Variants in CEMIP observed in about 807,000 individuals in gnomAD.
CEMIP encodes the protein cell migration-inducing and hyaluronan-binding protein.
Under a neutral mutation model 156.9 loss-of-function variants are expected in CEMIP, and 105 were observed. The observed-to-expected ratio is 0.67, with a 90% CI of 0.57 to 0.79. The LOEUF is 0.79. CEMIP is among the 30% of genes least tolerant of loss of function. The probability of loss-of-function intolerance (pLI) is 0.00; values close to 1 mark genes in which losing one functional copy is unlikely to be tolerated. For synonymous variants in CEMIP, 676 were observed against 668.4 expected (o/e 1.01, Z -0.17); for missense variants, 1,457 against 1,769.4 (o/e 0.82, Z 3.17).
intron 1 of CEMIP, among the ~76,000 whole-genome samples, chr15:80,854,534 C>G (rs1169178088): frequency 6.6e-6 from 1 of 152,248 alleles, no homozygotes; most frequent in East Asian, 1.9e-4. Context: ...TCTTGAGCAT[C>G]CACATTTGTT....
chr15:80,785,915 A>T (rs1323596350), intron 1 of CEMIP, among the ~76,000 whole-genome samples: 1 of 152,170 alleles, frequency 6.6e-6, no homozygotes, highest in Non-Finnish European at 1.5e-5. Flanking sequence ...GGCGCAAGAG[A>T]GTGCTTCTGA....
chr15:80,900,638 G>GTGTCTGTGTCTGTGTGTGTGTC (rs1899466705), intron 12 of CEMIP, among the ~76,000 whole-genome samples: 3 of 101,926 alleles, frequency 2.9e-5, no homozygotes, highest in Non-Finnish European at 4.2e-5. Context: ...GTGTGTGTGT[G>GTGTCTGTGTCTGTGTGTGTGTC]TGTGTGTGTG....
At chr15:80,937,627 C>A (rs1901178749) in intron 24 of CEMIP, among the ~76,000 whole-genome samples, 167 bp from the exon 25 acceptor site, 1 of 152,260 alleles carries the variant, frequency 6.6e-6, no homozygotes, top group South Asian at 2.1e-4. Context: ...TCTCCTTGAA[C>A]ACTGCAACTC....
intron 24 of CEMIP, among the ~76,000 whole-genome samples, 163 bp downstream of exon 24, chr15:80,937,048 A>G (rs989869586): frequency 3.3e-5 from 5 of 152,376 alleles, no homozygotes; most frequent in Admixed American, 2.6e-4. Context: ...ATTAAAGGAC[A>G]CAGGCCAAGC....
At chr15:80,936,313 TTCTC>T (rs138713855) in intron 23 of CEMIP, among the ~76,000 whole-genome samples, 2 of 150,386 alleles carry the variant, frequency 1.3e-5, no homozygotes, top group East Asian at 1.9e-4. Context: ...ATTAAAAAAG[TTCTC>T]TCTCTCTCTC....
intron 1 of CEMIP, among the ~76,000 whole-genome samples, chr15:80,855,439 G>A (rs1193819723): frequency 1.3e-5 from 2 of 152,176 alleles, no homozygotes; most frequent in Non-Finnish European, 1.5e-5. Context: ...GGTTGGAGAA[G>A]GACAGTGGCA....
chr15:80,841,093 C>T (rs958902940), intron 1 of CEMIP, among the ~76,000 whole-genome samples: 35 of 152,320 alleles, frequency 2.3e-4, no homozygotes, highest in African/African-American at 7.0e-4. Flanking sequence ...CCCAGCTGAA[C>T]GGGGCACCTG....
intron 9 of CEMIP, 52 bp from the exon 10 acceptor site, chr15:80,889,419 T>C: frequency 2.5e-6 from 4 of 1,612,808 alleles, no homozygotes; most frequent in Non-Finnish European, 2.5e-6. Flanking sequence ...TGAGTGTGAC[T>C]TGCCCTCACA....
chr15:80,842,354 A>G (rs948747659), intron 1 of CEMIP, among the ~76,000 whole-genome samples: 1 of 152,104 alleles, frequency 6.6e-6, no homozygotes, highest in Non-Finnish European at 1.5e-5. Flanking sequence ...TCATTAGTCA[A>G]CAAATGTTTA....
intron 1 of CEMIP, among the ~76,000 whole-genome samples, chr15:80,832,400 A>G (rs929705210): frequency 5.6e-5 from 8 of 143,016 alleles, no homozygotes; most frequent in Non-Finnish European, 1.1e-4. Flanking sequence ...GCTAGTTCCA[A>G]TTGGTGGGAC....
rs1403596668 is a variant in CEMIP at position 80,950,954 on chromosome 15, G to C, written c.*2030G>C. Reference sequence around the variant, plus strand: ...CTCGGTCCAAGAGTCCATTCCCCAGGTGGGAGCCAACTGTCAGGGAGGTCT... The same window carrying C: ...CTCGGTCCAAGAGTCCATTCCCCAGCTGGGAGCCAACTGTCAGGGAGGTCT... On this transcript the variant is annotated 3_prime_UTR_variant, in exon 30 of 30. Transcript: ENST00000394685. 6.6e-6 allele frequency: 1 copy of C among 152,646 alleles called. No individual in the cohort carries two copies. The highest frequency in any genetic ancestry group is 1.5e-5 in the Non-Finnish European group (1 of 68,044). The allele number at this position is 152,646 out of a possible 1,614,324, so 9.5% of individuals were successfully genotyped here.
At chr15:80,869,200 G>A (rs1006300886) in intron 1 of CEMIP, among the ~76,000 whole-genome samples, 7 of 152,088 alleles carry the variant, frequency 4.6e-5, no homozygotes, top group African/African-American at 1.7e-4. Context: ...TTGGATTAGG[G>A]CCCACCCGTA....
chr15:80,818,613 C>T (rs1463909322), intron 1 of CEMIP, among the ~76,000 whole-genome samples: 18 of 152,192 alleles, frequency 1.2e-4, no homozygotes, highest in Admixed American at 1.2e-3. Context: ...TCAATTTCAA[C>T]AGGTCAACTC....
At chr15:80,918,490 AC>A (rs1900356222) in intron 14 of CEMIP, among the ~76,000 whole-genome samples, 1 of 152,170 alleles carries the variant, frequency 6.6e-6, no homozygotes, top group African/African-American at 2.4e-5. Context: ...ACCTGCAATC[AC>A]GGGACAGCCT....
intron 3 of CEMIP, among the ~76,000 whole-genome samples, chr15:80,877,874 C>T (rs1195051543): frequency 6.6e-6 from 1 of 152,236 alleles, no homozygotes; most frequent in Non-Finnish European, 1.5e-5. Flanking sequence ...CAGATGCCAT[C>T]AGAGCAGCAT....
intron 12 of CEMIP, among the ~76,000 whole-genome samples, chr15:80,899,050 T>G (rs1899349970): frequency 6.6e-6 from 1 of 152,010 alleles, no homozygotes; most frequent in Non-Finnish European, 1.5e-5. Context: ...CCGTCTCTAC[T>G]AAAAATACAA....
chr15:80,942,114 G>A, intron 26 of CEMIP, 61 bp downstream of exon 26: 1 of 1,564,510 alleles, frequency 6.4e-7, no homozygotes, highest in Non-Finnish European at 8.8e-7. Flanking sequence ...AGAGCCCTTT[G>A]CCGTCCAGTC....
chr15:80,796,416 C>T (rs909322764), intron 1 of CEMIP, among the ~76,000 whole-genome samples: 3 of 152,190 alleles, frequency 2.0e-5, no homozygotes, highest in Admixed American at 6.5e-5. Flanking sequence ...ATTTTTCATC[C>T]TGGAGAGCTC....
chr15:80,779,474 C>A lies in CEMIP; in HGVS notation c.-316C>A, dbSNP rs1209991292. On this transcript the variant is annotated 5_prime_UTR_variant, in exon 1 of 30. Transcript: ENST00000394685. The stretch of plus-strand genomic sequence containing the variant: ...GGGCTGAGCGCGGCCAGGGTCTGAA[C>A]CCAGATTTCCCAGACTAGCTACCAC... 6 of 152,248 alleles carry A rather than the reference C, an allele frequency of 3.9e-5. No individual in the cohort carries two copies. Among genetic ancestry groups the A allele is most frequent in the African/African-American group, 1.4e-4 (6 of 41,454 alleles). 9.4% of individuals were successfully genotyped at this position (152,248 alleles called of 1,614,324 possible). A position where few individuals can be genotyped will look rare whatever the true frequency, so the allele number is the denominator to read the frequency against.
Sources: allele counts gnomAD v4.1 joint callset (sites outside exome capture counted in the v4.1 genomes callset), GRCh38; gene constraint gnomAD v4.1.1; transcripts MANE v1.5; gene names NCBI Gene and HGNC (gene_info 2026-07-23, HGNC 2026-07-21).